The following PTER variants were observed in gnomAD, a reference collection of about 807,000 sequenced individuals.
The protein encoded by PTER is N-acetyltaurine hydrolase.
In PTER, 38 loss-of-function variants were observed where a neutral mutation model predicts 29.6. That is an observed-to-expected ratio of 1.28 (90% CI 0.99 to 1.68). The LOEUF (loss-of-function observed/expected upper bound fraction) is 1.68, where lower values mean the gene tolerates loss of function less well. Among genes scored for constraint, PTER ranks in the 40% most tolerant of loss-of-function variants. The pLI, the probability that PTER is intolerant of heterozygous loss-of-function variation, is 0.00. For synonymous variants in PTER, 172 were observed against 154.5 expected, an observed-to-expected ratio of 1.11 and a Z score of -0.84; for missense variants, 482 against 427.8, an observed-to-expected ratio of 1.13 and a Z score of -1.12.
chr10:16,489,863 A>C (rs993425300), intron 3 of PTER, among the ~76,000 whole-genome samples: 3 of 152,154 alleles, frequency 2.0e-5, no homozygotes, highest in African/African-American at 7.2e-5. Context: ...AGACCCACAC[A>C]GGTGCTATGA....
intron 1 of PTER, among the ~76,000 whole-genome samples, chr10:16,479,260 G>T (rs553481061): frequency 6.6e-6 from 1 of 151,994 alleles, no homozygotes; most frequent in Non-Finnish European, 1.5e-5. Flanking sequence ...TTTCATTCAG[G>T]CATGGTTACT....
downstream of PTER, chr10:16,513,868 A>G (rs533706286): frequency 6.5e-6 from 1 of 154,176 alleles, no homozygotes; most frequent in Admixed American, 6.5e-5. Flanking sequence ...ATTTTTAAAG[A>G]CTATCACCAG....
At chr10:16,516,233 T>C (rs1398776541), downstream of PTER, among the ~76,000 whole-genome samples, 3 of 152,194 alleles carry the variant, frequency 2.0e-5, no homozygotes, top group Non-Finnish European at 2.9e-5. Flanking sequence ...TTGGAAGCAC[T>C]GACTCCAATA....
At chr10:16,487,431 CCT>C (rs1297283864) in intron 3 of PTER, among the ~76,000 whole-genome samples, 1 of 152,204 alleles carries the variant, frequency 6.6e-6, no homozygotes, top group East Asian at 1.9e-4. Context: ...TATGTCTTCT[CCT>C]CTGTTTGTTA....
intron 1 of PTER, among the ~76,000 whole-genome samples, chr10:16,479,485 TA>T (rs949833883): frequency 2.4e-3 from 355 of 145,010 alleles, no homozygotes; most frequent in East Asian, 2.2e-3. Context: ...AAACAAGCTT[TA>T]AAAAAAAAAA....
At chr10:16,467,710 G>A (rs1834890683) in intron 1 of PTER, among the ~76,000 whole-genome samples, 2 of 152,144 alleles carry the variant, frequency 1.3e-5, no homozygotes, top group Admixed American at 1.3e-4. Context: ...TACTCGGGAG[G>A]CTGACGCAGG....
Position 16,479,454 on chromosome 10 carries a change from G to A in PTER, c.-48-4883G>A, listed in dbSNP as rs540845734. On this transcript the variant is annotated intron_variant, in intron 1 of 4. Coordinates refer to ENST00000535784, the MANE Select transcript of PTER (RefSeq NM_001261836.2). ...GAAGATATATTGCAGGTCTGAACCTGTATGCACAATGGAAGTATTCAAACA... is the reference window on the plus strand; with the variant it reads ...GAAGATATATTGCAGGTCTGAACCTATATGCACAATGGAAGTATTCAAACA... 9.2e-5 allele frequency among the ~76,000 whole-genome samples: 14 copies of A among 151,766 alleles called. No individual in the cohort carries two copies. In the East Asian group the frequency reaches 2.5e-3, roughly 27 times the overall value.
intron 1 of PTER, among the ~76,000 whole-genome samples, chr10:16,447,891 G>A (rs1435085572): frequency 6.6e-6 from 1 of 152,144 alleles, no homozygotes; most frequent in African/African-American, 2.4e-5. Flanking sequence ...ATGGGCATTT[G>A]AGCCACTTCC....
chr10:16,472,414 C>G (rs767768684), intron 1 of PTER, among the ~76,000 whole-genome samples: 1 of 152,002 alleles, frequency 6.6e-6, no homozygotes, highest in Non-Finnish European at 1.5e-5. Context: ...GGGCGGTTTC[C>G]CCCATACTGT....
rs1171433495 is a variant in PTER at position 16,513,727 on chromosome 10, C to G, written c.*2471C>G. The stretch of plus-strand genomic sequence containing the variant: ...TGATTTGATACTAAAGAATAAATTT[C>G]TCTGACTTTCCCAGTGAATCTAAAT... On this transcript the variant is annotated 3_prime_UTR_variant, in exon 5 of 5. Transcript: ENST00000535784. 1.3e-5 allele frequency: 2 copies of G among 152,496 alleles called. No individual in the cohort carries two copies. Among genetic ancestry groups the G allele is most frequent in the African/African-American group, 4.8e-5 (2 of 41,438 alleles). 9.4% of individuals were successfully genotyped at this position (152,496 alleles called of 1,614,324 possible).
Position 16,478,312 on chromosome 10 carries a change from C to G in PTER, c.-48-6025C>G, listed in dbSNP as rs140396712. Among the ~76,000 whole-genome samples, 312 of 149,772 alleles carry G rather than the reference C, an allele frequency of 2.1e-3. 2 individuals carry two copies. The highest frequency in any genetic ancestry group is 4.2e-3 in the South Asian group (20 of 4,714). On this transcript the variant is annotated intron_variant, in intron 1 of 4. Coordinates refer to ENST00000535784, the MANE Select transcript of PTER (RefSeq NM_001261836.2). ...TTGAAATACTGTTTTCTTCCTCCCT[C>G]TCCCTTTTCCTCCCTCGTTTCCGTT...
At chr10:16,460,748 C>CT (rs1012802928) in intron 1 of PTER, among the ~76,000 whole-genome samples, 18 of 151,436 alleles carry the variant, frequency 1.2e-4, no homozygotes, top group South Asian at 4.2e-4. Flanking sequence ...AAATTACAGT[C>CT]TTTTTTTTTA....
At chr10:16,453,334 A>G (rs1049617317) in intron 1 of PTER, among the ~76,000 whole-genome samples, 2 of 152,202 alleles carry the variant, frequency 1.3e-5, no homozygotes, top group African/African-American at 4.8e-5. Flanking sequence ...ATTATTGGAA[A>G]CTAAAAATTG....
chr10:16,510,959 A>G, intron 4 of PTER, 87 bp from the exon 5 acceptor site: 3 of 1,101,518 alleles, frequency 2.7e-6, no homozygotes, highest in Non-Finnish European at 4.0e-6. Flanking sequence ...CGACAAGCAC[A>G]ATAGGTTAAT....
chr10:16,487,012 T>A (rs554547903), intron 3 of PTER, among the ~76,000 whole-genome samples: 1 of 152,190 alleles, frequency 6.6e-6, no homozygotes, highest in African/African-American at 2.4e-5. Context: ...ATCACACATA[T>A]AAAGGGAGGG....
chr10:16,457,243 C>T (rs1337215692), intron 1 of PTER, among the ~76,000 whole-genome samples: 5 of 152,076 alleles, frequency 3.3e-5, no homozygotes, highest in African/African-American at 4.8e-5. Flanking sequence ...GATGGAGTCT[C>T]ACTCTGTTGC....
intron 3 of PTER, among the ~76,000 whole-genome samples, chr10:16,497,345 C>T (rs1564406604): frequency 6.6e-6 from 1 of 151,610 alleles, no homozygotes; most frequent in Non-Finnish European, 1.5e-5. Flanking sequence ...GTGCTTCATT[C>T]TTCGTTCGCA....
At chr10:16,482,843 G>GT (rs1835529723) in intron 1 of PTER, among the ~76,000 whole-genome samples, 1 of 151,932 alleles carries the variant, frequency 6.6e-6, no homozygotes, top group Admixed American at 6.6e-5. Context: ...GTGCAGTGGC[G>GT]CGATCTCGGC....
At chr10:16,501,532 T>C (rs1225452032) in intron 3 of PTER, among the ~76,000 whole-genome samples, 1 of 152,158 alleles carries the variant, frequency 6.6e-6, no homozygotes, top group East Asian at 1.9e-4. Context: ...CAGTTAAAAA[T>C]CTCCACAAGT....
Sources: allele counts gnomAD v4.1 joint callset (sites outside exome capture counted in the v4.1 genomes callset), GRCh38; gene constraint gnomAD v4.1.1; transcripts MANE v1.5; gene names NCBI Gene and HGNC (gene_info 2026-07-23, HGNC 2026-07-21).